The following TPCN1 variants were observed in gnomAD, a reference collection of about 807,000 sequenced individuals.
TPCN1 encodes two pore channel protein 1.
Under a neutral mutation model 108.8 loss-of-function variants are expected in TPCN1, and 52 were observed. That is an observed-to-expected ratio of 0.48 (90% CI 0.38 to 0.60). The LOEUF is 0.60. Among genes scored for constraint, TPCN1 ranks in the 20% least tolerant of loss-of-function variants. TPCN1 has a pLI of 0.00. For synonymous variants in TPCN1, 446 were observed against 433.7 expected (o/e 1.03, Z -0.35); for missense variants, 806 against 1,072.8 (o/e 0.75, Z 3.47).
chr12:113,274,353 C>T (rs1425777871), intron 10 of TPCN1, among the ~76,000 whole-genome samples: 1 of 151,874 alleles, frequency 6.6e-6, no homozygotes, highest in Non-Finnish European at 1.5e-5. Context: ...GAGGCTGAGG[C>T]AGAAGAATTG....
intron 3 of TPCN1, among the ~76,000 whole-genome samples, chr12:113,261,843 C>A (rs909727571): frequency 2.0e-5 from 3 of 151,736 alleles, no homozygotes; most frequent in African/African-American, 7.3e-5. Flanking sequence ...TACGTAGCAC[C>A]CCCCACCCCC....
At chr12:113,228,787 A>G (rs1220875737) in intron 2 of TPCN1, among the ~76,000 whole-genome samples, 1 of 152,208 alleles carries the variant, frequency 6.6e-6, no homozygotes, top group Non-Finnish European at 1.5e-5. Flanking sequence ...TTCCTCCCAC[A>G]CCACAGTGGA....
In TPCN1 at chr12:113,284,211, C is replaced by G. The variant is rs968746869; in HGVS notation, c.1343-370C>G. ...GCATATGCAGTTTTTCTAAAGAGTT[C>G]ATGCAATTATTTTAAAATTAGAAGT... On this transcript the variant is annotated intron_variant, in intron 15 of 27. Transcript: ENST00000335509. This position sits in a 1 kb window ranked among gnomAD's most constrained non-coding sequence, Gnocchi z 4.1. Among the ~76,000 whole-genome samples, 1 of 152,304 alleles carries G rather than the reference C, an allele frequency of 6.6e-6. No homozygotes were observed. Among genetic ancestry groups the G allele is most frequent in the Middle Eastern group, 3.4e-3 (1 of 294 alleles).
chr12:113,266,805 A>G lies in TPCN1; in HGVS notation c.414+449A>G, dbSNP rs1354488968. Among the ~76,000 whole-genome samples the G allele has an allele frequency of 1.3e-5, 2 of 152,212 alleles. No individual in the cohort carries two copies. The highest frequency in any genetic ancestry group is 2.9e-5 in the Non-Finnish European group (2 of 68,028). ...CAGCCATCATTCAGTGGGGGCCAGA[A>G]CAGGTGTGGAGCTGTGCTTGTCCCC... On this transcript the variant is annotated intron_variant, in intron 4 of 27. Transcript: ENST00000335509. This position sits in a 1 kb window ranked among gnomAD's most constrained non-coding sequence, Gnocchi z 4.2.
Position 113,284,483 on chromosome 12 carries a change from T to C in TPCN1, c.1343-98T>C. 1 of 1,374,012 alleles carries C rather than the reference T, an allele frequency of 7.3e-7. No individual in the cohort carries two copies. Among genetic ancestry groups the C allele is most frequent in the Non-Finnish European group, 1.0e-6 (1 of 966,400 alleles). The allele number at this position is 1,374,012 out of a possible 1,614,324, so 85.1% of individuals were successfully genotyped here. On this transcript the variant is annotated intron_variant, in intron 15 of 27. Coordinates refer to ENST00000335509, the MANE Select transcript of TPCN1 (RefSeq NM_017901.6). This position sits in a 1 kb window ranked among gnomAD's most constrained non-coding sequence, Gnocchi z 4.1. ...GAGCAGCCCTGTTCTCCCCATCCCG[T>C]AGAGCTCCAGGAAGTTAACCAGGGA...
intron 10 of TPCN1, among the ~76,000 whole-genome samples, chr12:113,275,212 A>C (rs1385226864): frequency 6.6e-6 from 1 of 152,200 alleles, no homozygotes; most frequent in Non-Finnish European, 1.5e-5. Context: ...TTTTCCAGGT[A>C]GACTTGTGAA....
Position 113,236,148 on chromosome 12 carries a change from T to C in TPCN1, c.112+9184T>C, listed in dbSNP as rs1327747737. Among the ~76,000 whole-genome samples the C allele has an allele frequency of 2.0e-5, 3 of 152,138 alleles. No individual in the cohort carries two copies. The East Asian group carries it at 5.8e-4, about 29-fold the overall frequency. On this transcript the variant is annotated intron_variant, in intron 2 of 27. Transcript: ENST00000335509. Reference sequence around the variant, plus strand: ...AGGGTAGTGTCTGAACATTCATTCATGCTGCCCTGGCAAGAGCAGTTGGCA... The same window carrying C: ...AGGGTAGTGTCTGAACATTCATTCACGCTGCCCTGGCAAGAGCAGTTGGCA...
In TPCN1 at chr12:113,288,917, G is replaced by T. The variant is rs578238513; in HGVS notation, c.1796+70G>T. On this transcript the variant is annotated intron_variant, in intron 21 of 27. Coordinates refer to ENST00000335509, the MANE Select transcript of TPCN1 (RefSeq NM_017901.6). The surrounding 1 kb of genome is among the most constrained non-coding windows in gnomAD (Gnocchi z 4.8). ...CAGAGGGCTGGCCAGGGCCAGGATTGGTGTCCTTGTGGCCTTGGGGTCCTC... is the reference window on the plus strand; with the variant it reads ...CAGAGGGCTGGCCAGGGCCAGGATTTGTGTCCTTGTGGCCTTGGGGTCCTC... 10 of 1,517,300 alleles carry T rather than the reference G, an allele frequency of 6.6e-6. No homozygotes were observed. The South Asian group carries it at 6.7e-5, about 10-fold the overall frequency. The allele number at this position is 1,517,300 out of a possible 1,614,324, so 94.0% of individuals were successfully genotyped here.
chr12:113,246,321 G>T (rs888807799), intron 2 of TPCN1, among the ~76,000 whole-genome samples: 1 of 152,236 alleles, frequency 6.6e-6, no homozygotes, highest in Admixed American at 6.5e-5. Flanking sequence ...TGTCCTCTTG[G>T]TCTGGTTTTC....
chr12:113,229,268 T>C (rs1184427816), intron 2 of TPCN1, among the ~76,000 whole-genome samples: 2 of 152,238 alleles, frequency 1.3e-5, no homozygotes, highest in African/African-American at 4.8e-5. Flanking sequence ...CTTAGTTTCT[T>C]CTCTCAGCTT....
At chr12:113,275,531 A>C (rs1955642700) in intron 10 of TPCN1, among the ~76,000 whole-genome samples, 1 of 149,836 alleles carries the variant, frequency 6.7e-6, no homozygotes, top group Non-Finnish European at 1.5e-5. Flanking sequence ...GGTGTGAGCC[A>C]CAGTGCCTGG....
chr12:113,276,617 A>C (rs1412516364), intron 10 of TPCN1, among the ~76,000 whole-genome samples: 1 of 152,176 alleles, frequency 6.6e-6, no homozygotes, highest in Non-Finnish European at 1.5e-5. Flanking sequence ...GCCTGGGACA[A>C]GCTGTAGCTG....
intron 2 of TPCN1, among the ~76,000 whole-genome samples, chr12:113,246,626 A>G (rs1954397174): frequency 6.6e-6 from 1 of 152,230 alleles, no homozygotes; most frequent in Non-Finnish European, 1.5e-5. Flanking sequence ...GGCAAGGGCT[A>G]GCTGCCGGCC....
rs368522400 is a variant in TPCN1, at chr12:113,291,035, C to A, written c.1959+37C>A. 224 of 1,607,292 alleles carry A rather than the reference C, an allele frequency of 1.4e-4. 1 individual carries two copies. The highest frequency in any genetic ancestry group is 1.8e-4 in the Non-Finnish European group (211 of 1,175,644). On this transcript the variant is annotated intron_variant, in intron 23 of 27. Transcript: ENST00000335509. ...GGCAGCTCTGGGGGTATCTTCCCGC[C>A]AGCCCTGGGGTCGGCCCTGGGTCTC...
At chr12:113,261,410 A>G (rs1380807360) in intron 3 of TPCN1, among the ~76,000 whole-genome samples, 3 of 134,416 alleles carry the variant, frequency 2.2e-5, no homozygotes, top group Non-Finnish European at 4.7e-5. Flanking sequence ...TCATAGCATA[A>G]GCTTTTTTTT....
At chr12:113,237,604 C>G (rs751423322) in intron 2 of TPCN1, among the ~76,000 whole-genome samples, 13 of 152,134 alleles carry the variant, frequency 8.5e-5, no homozygotes, top group Non-Finnish European at 1.9e-4. Flanking sequence ...AGTGATCTGC[C>G]CACCTCGGCC....
Position 113,266,448 on chromosome 12 carries a change from A to G in TPCN1, c.414+92A>G, listed in dbSNP as rs1369602139. 10 of 1,502,774 alleles carry G rather than the reference A, an allele frequency of 6.7e-6. No individual in the cohort carries two copies. The East Asian group carries it at 2.3e-4, about 34-fold the overall frequency. 93.1% of individuals were successfully genotyped at this position (1,502,774 alleles called of 1,614,324 possible). On this transcript the variant is annotated intron_variant, in intron 4 of 27. Coordinates refer to ENST00000335509, the MANE Select transcript of TPCN1 (RefSeq NM_017901.6). The surrounding 1 kb of genome is among the most constrained non-coding windows in gnomAD (Gnocchi z 4.2). ...CAAAAAGGAACATTCTGGGAGGGCA[A>G]ACACTGCAAACGGACTTAAAACAGA...
chr12:113,282,978 G>GAGGCAGGA (rs1955941280), intron 15 of TPCN1, among the ~76,000 whole-genome samples: 1 of 152,042 alleles, frequency 6.6e-6, no homozygotes, highest in African/African-American at 2.4e-5. Context: ...TTGGGAGGCT[G>GAGGCAGGA]AGGCAGGAGG....
At chr12:113,293,196 G>C in intron 26 of TPCN1, 73 bp from the exon 27 acceptor site, 1 of 1,602,702 alleles carries the variant, frequency 6.2e-7, no homozygotes, top group Non-Finnish European at 8.5e-7. Context: ...AGAAGTGGGA[G>C]ACGCCAACTG....
Sources: gnomAD v4.1 joint callset for allele counts (sites outside exome capture counted in the v4.1 genomes callset) on GRCh38, gnomAD v4.1.1 for gene constraint, Gnocchi (gnomAD v3.1) non-coding constraint, MANE v1.5 for transcripts, NCBI Gene and HGNC (gene_info 2026-07-23, HGNC 2026-07-21) for gene names.